RFX7: variants seen among roughly 807,000 people sequenced by gnomAD.
The protein encoded by RFX7 is DNA-binding protein RFX7.
RFX7 carries 26 observed loss-of-function variants against 111.8 expected under a neutral mutation model. The observed-to-expected ratio is 0.23, with a 90% CI of 0.17 to 0.32. The LOEUF (loss-of-function observed/expected upper bound fraction) is 0.32, where lower values mean the gene tolerates loss of function less well. RFX7 is among the 10% of genes least tolerant of loss of function. RFX7 has a pLI of 1.00. For synonymous variants in RFX7, 624 were observed against 624.4 expected (o/e 1.00, Z 0.01); for missense variants, 1,573 against 1,772.9 (o/e 0.89, Z 2.02).
In RFX7 at chr15:56,090,194, A is replaced by G. The variant is rs1005515170; in HGVS notation, c.*3151T>C. ...CTTAAAATTTTCTCATTTTCTATTC[A>G]GAGCTCCAGAAATATACTTACCTAG... is the stretch of plus-strand genomic sequence containing the variant. On this transcript the variant is annotated 3_prime_UTR_variant, in exon 10 of 10. Coordinates refer to ENST00000559447, the MANE Select transcript of RFX7 (RefSeq NM_022841.7). 3 of 152,172 alleles carry G rather than the reference A, an allele frequency of 2.0e-5. No individual in the cohort carries two copies. Among genetic ancestry groups the G allele is most frequent in the Non-Finnish European group, 2.9e-5 (2 of 68,022 alleles). 9.4% of individuals were successfully genotyped at this position (152,172 alleles called of 1,614,324 possible).
chr15:56,187,211 A>ATT (rs572991858), intron 2 of RFX7, among the ~76,000 whole-genome samples: 7 of 142,176 alleles, frequency 4.9e-5, no homozygotes, highest in African/African-American at 1.3e-4. Flanking sequence ...TACTGGTAGA[A>ATT]TTTTTTTTTT....
chr15:56,134,352 C>T (rs1185820015), intron 5 of RFX7, among the ~76,000 whole-genome samples: 1 of 152,044 alleles, frequency 6.6e-6, no homozygotes, highest in Non-Finnish European at 1.5e-5. Flanking sequence ...AAAATTAGTG[C>T]CTACTATGTG....
rs2042420765 is a variant in RFX7 at position 56,142,896 on chromosome 15, G to C, written c.283C>G (p.Gln95Glu). Residue 95 changes from glutamine (Q) to glutamate (E), a missense_variant, in exon 5 of 10, where the codon CAG becomes GAG. By Grantham distance (29) the Gln-to-Glu change is conservative (BLOSUM62 2). Around this residue, in one of 7 missense-constraint regions of RFX7, gnomAD observed 191 missense variants for 194.2 expected, o/e 0.98. Coordinates refer to ENST00000559447, the MANE Select transcript of RFX7 (RefSeq NM_022841.7). ...GCCCGACTAGATGACATGGCATTCT[G>C]ATCACTAATAGAATGAAAACATGTT... ...SGLSNGEKSD[Q>E]NAMSSSRAQQ... is the part of the protein sequence containing the mutation. The C allele has an allele frequency of 1.2e-6, 2 of 1,613,212 alleles. No individual in the cohort carries two copies. Among genetic ancestry groups the C allele is most frequent in the African/African-American group, 2.7e-5 (2 of 74,896 alleles).
chr15:56,115,547 T>C (rs1237875651), intron 5 of RFX7, among the ~76,000 whole-genome samples: 2 of 152,216 alleles, frequency 1.3e-5, no homozygotes, highest in South Asian at 2.1e-4. Context: ...CACACACATA[T>C]GTGATAAATA....
At chr15:56,109,341 C>G (rs1490220804) in intron 5 of RFX7, among the ~76,000 whole-genome samples, 1 of 152,292 alleles carries the variant, frequency 6.6e-6, no homozygotes, top group African/African-American at 2.4e-5. Context: ...GTCTCCTTCA[C>G]TCAGTGCTCA....
At chr15:56,182,325 C>A (rs2042983329) in intron 2 of RFX7, among the ~76,000 whole-genome samples, 1 of 151,984 alleles carries the variant, frequency 6.6e-6, no homozygotes, top group African/African-American at 2.4e-5. Context: ...AATTGAAAGC[C>A]CTTCTGGTAG....
At chr15:56,117,639 T>G (rs1004513191) in intron 5 of RFX7, among the ~76,000 whole-genome samples, 20 of 152,098 alleles carry the variant, frequency 1.3e-4, no homozygotes, top group Non-Finnish European at 2.4e-4. Flanking sequence ...CCATCCCCTT[T>G]CCCAGCACCT....
intron 2 of RFX7, among the ~76,000 whole-genome samples, chr15:56,208,937 A>G (rs1401850776): frequency 1.3e-5 from 2 of 151,732 alleles, no homozygotes; most frequent in Admixed American, 1.3e-4. Flanking sequence ...GGTGTAACAT[A>G]TGTGTAATGG....
intron 3 of RFX7, among the ~76,000 whole-genome samples, chr15:56,147,495 T>C (rs968873730): frequency 6.6e-6 from 1 of 152,360 alleles, no homozygotes; most frequent in South Asian, 2.1e-4. Context: ...ATTCAGATGG[T>C]ACTTGTACAA....
chr15:56,191,027 T>G (rs2043095225), intron 2 of RFX7, among the ~76,000 whole-genome samples: 1 of 152,240 alleles, frequency 6.6e-6, no homozygotes, highest in Non-Finnish European at 1.5e-5. Context: ...GTTTGCTCTT[T>G]GAAATCACTC....
rs1322788732 is a variant in RFX7 at position 56,243,377 on chromosome 15, G to A, written c.-3+68C>T. On this transcript the variant is annotated intron_variant, in intron 1 of 9. Transcript: ENST00000559447. The stretch of plus-strand genomic sequence containing the variant: ...GGGAGGGGAGGACGAAGGGGGGAGA[G>A]GAGGAGGGGGAGGGGGAGGGGAAGA... The A allele has an allele frequency of 3.0e-5, 25 of 834,956 alleles. No homozygotes were observed. The African/African-American group carries it at 4.0e-4, about 13-fold the overall frequency. The allele number at this position is 834,956 out of a possible 1,614,324, so 51.7% of individuals were successfully genotyped here. A position where few individuals can be genotyped will look rare whatever the true frequency, so the allele number is the denominator to read the frequency against.
rs1595917421 is a variant in RFX7, at chr15:56,093,498, A to G, written c.4230T>C (p.Arg1410=). ...TAGCTTCATCATCTTGTCCCTGCTGACGACCTGGATCAAACAGTAGATTTG... is the reference window on the plus strand; with the variant it reads ...TAGCTTCATCATCTTGTCCCTGCTGGCGACCTGGATCAAACAGTAGATTTG... ...LDPNLLFDPG[R]QQGQDDEATL... The change falls in exon 10 of 10, where the codon CGT becomes CGC. Residue 1410 remains arginine (R), a synonymous_variant. Transcript: ENST00000559447. The G allele has an allele frequency of 2.5e-6, 4 of 1,613,918 alleles. No homozygotes were observed. Among genetic ancestry groups the G allele is most frequent in the Non-Finnish European group, 2.5e-6 (3 of 1,179,844 alleles).
chr15:56,219,916 G>A (rs964197324), intron 2 of RFX7, among the ~76,000 whole-genome samples: 2 of 152,058 alleles, frequency 1.3e-5, no homozygotes, highest in Non-Finnish European at 1.5e-5. Flanking sequence ...TGGTAGTTCC[G>A]TTTACAGTTC....
intron 2 of RFX7, among the ~76,000 whole-genome samples, chr15:56,240,592 G>A (rs1489062071): frequency 6.6e-6 from 1 of 152,122 alleles, no homozygotes; most frequent in African/African-American, 2.4e-5. Flanking sequence ...AGGAGGACAA[G>A]TACAGACTTG....
chr15:56,162,929 A>G (rs988406840), intron 3 of RFX7, among the ~76,000 whole-genome samples: 2 of 152,142 alleles, frequency 1.3e-5, no homozygotes, highest in Non-Finnish European at 2.9e-5. Flanking sequence ...AAAAAATAAG[A>G]TTCTGAGATA....
chr15:56,113,450 G>A (rs2041965070), intron 5 of RFX7, among the ~76,000 whole-genome samples: 1 of 152,132 alleles, frequency 6.6e-6, no homozygotes, highest in Non-Finnish European at 1.5e-5. Flanking sequence ...GCTGAACAAT[G>A]AGAACACATG....
At chr15:56,230,181 C>T (rs1482703696) in intron 2 of RFX7, among the ~76,000 whole-genome samples, 2 of 152,150 alleles carry the variant, frequency 1.3e-5, no homozygotes, top group African/African-American at 2.4e-5. Flanking sequence ...GGGAACTAGG[C>T]TGGAATACAA....
At chr15:56,229,680 G>C (rs534857247) in intron 2 of RFX7, among the ~76,000 whole-genome samples, 2 of 152,292 alleles carry the variant, frequency 1.3e-5, no homozygotes, top group African/African-American at 4.8e-5. Context: ...ATTCTGGGTT[G>C]GGGGAGCCCC....
intron 5 of RFX7, among the ~76,000 whole-genome samples, chr15:56,137,076 CT>C (rs1223740469): frequency 1.3e-5 from 2 of 152,108 alleles, no homozygotes; most frequent in African/African-American, 4.8e-5. Flanking sequence ...GTCTAAAATT[CT>C]TTTTTTGTTA....
Sources: gnomAD v4.1 joint callset for allele counts (sites outside exome capture counted in the v4.1 genomes callset) on GRCh38, gnomAD v4.1.1 for gene constraint, gnomAD v4.1.1 regional missense constraint, MANE v1.5 for transcripts, NCBI Gene and HGNC (gene_info 2026-07-23, HGNC 2026-07-21) for gene names.